LRRC4C: variants seen among roughly 807,000 people sequenced by gnomAD.
The protein encoded by LRRC4C is leucine-rich repeat-containing protein 4C.
A neutral mutation model predicts 33.6 loss-of-function variants in LRRC4C; 5 were observed. The ratio of observed to expected loss-of-function variants is 0.15; its 90% CI spans 0.08 to 0.31. LRRC4C has a LOEUF of 0.31. Ranked by LOEUF, LRRC4C falls within the 10% of genes least tolerant of loss-of-function variation. The probability of loss-of-function intolerance (pLI) is 1.00; values close to 1 mark genes in which losing one functional copy is unlikely to be tolerated. For synonymous variants in LRRC4C, 329 were observed against 302.0 expected (o/e 1.09, Z -0.93); for missense variants, 560 against 796.7 (o/e 0.70, Z 3.58).
rs1274657251 is a variant in LRRC4C, at chr11:41,214,365, C to A, written c.-496+245066G>T. 2.0e-5 allele frequency among the ~76,000 whole-genome samples: 3 copies of A among 151,910 alleles called. No homozygotes were observed. In the East Asian group the frequency reaches 5.8e-4, roughly 29 times the overall value. On this transcript the variant is annotated intron_variant, in intron 1 of 6. Coordinates refer to ENST00000528697, the MANE Select transcript of LRRC4C (RefSeq NM_001258419.2). ...AGATGTGTGTCAATGGCCACAAACA[C>A]CTTGCCTGGTTCTTAAACAATAAAA...
intron 5 of LRRC4C, among the ~76,000 whole-genome samples, chr11:40,194,626 G>T (rs1002922279): frequency 1.3e-5 from 2 of 151,714 alleles, no homozygotes; most frequent in Non-Finnish European, 2.9e-5. Flanking sequence ...GTCGGGGGGT[G>T]GGGGGCAAAG....
intron 3 of LRRC4C, among the ~76,000 whole-genome samples, chr11:40,596,963 A>G (rs1300980977): frequency 1.3e-5 from 2 of 152,242 alleles, no homozygotes; most frequent in Non-Finnish European, 2.9e-5. Context: ...CCGTATTCTT[A>G]ACAAATAGAA....
At chr11:41,298,643 T>C (rs1474427195) in intron 1 of LRRC4C, among the ~76,000 whole-genome samples, 1 of 152,190 alleles carries the variant, frequency 6.6e-6, no homozygotes, top group African/African-American at 2.4e-5. Flanking sequence ...GATTGATCAT[T>C]ATTTTTAACT....
intron 2 of LRRC4C, among the ~76,000 whole-genome samples, chr11:40,855,962 C>G (rs73472648): frequency 0.027 from 4,066 of 151,476 alleles, 109 homozygotes; most frequent in African/African-American, 0.066. Flanking sequence ...TAATTTACTT[C>G]ATATATTTTT....
intron 3 of LRRC4C, among the ~76,000 whole-genome samples, chr11:40,329,737 CTTTT>C (rs199598860): frequency 9.1e-5 from 11 of 120,380 alleles, no homozygotes; most frequent in Middle Eastern, 4.4e-3. Context: ...CTTTCTTTTT[CTTTT>C]TTTTTTTTTT....
chr11:40,507,192 A>C (rs982662414), intron 3 of LRRC4C, among the ~76,000 whole-genome samples: 1 of 152,144 alleles, frequency 6.6e-6, no homozygotes, highest in Non-Finnish European at 1.5e-5. Flanking sequence ...TCTTACTAGC[A>C]AAAATTACAT....
chr11:40,772,581 CA>C lies in LRRC4C; in HGVS notation c.-406-124304del, dbSNP rs574547987. ...TTCTGTAAAGAAGATATATGAATGA[CA>C]AACTGGTATAAGGAAAGATGCTCAA... On this transcript the variant is annotated intron_variant, in intron 2 of 6. Transcript: ENST00000528697. 8.5e-5 allele frequency among the ~76,000 whole-genome samples: 13 copies of C among 152,290 alleles called. No homozygotes were observed. The East Asian group carries it at 2.5e-3, about 29-fold the overall frequency.
intron 1 of LRRC4C, among the ~76,000 whole-genome samples, chr11:41,012,699 C>A (rs898174953): frequency 2.0e-5 from 3 of 152,154 alleles, no homozygotes; most frequent in African/African-American, 7.2e-5. Context: ...TACATTTTCA[C>A]CATAGTGTAT....
At chr11:41,307,696 G>A (rs1950542807) in intron 1 of LRRC4C, among the ~76,000 whole-genome samples, 2 of 152,252 alleles carry the variant, frequency 1.3e-5, no homozygotes, top group Non-Finnish European at 2.9e-5. Flanking sequence ...CAAAAAGCCT[G>A]GGCTTTTCCC....
intron 2 of LRRC4C, among the ~76,000 whole-genome samples, chr11:40,746,085 A>C (rs1305171716): frequency 6.6e-6 from 1 of 152,174 alleles, no homozygotes; most frequent in African/African-American, 2.4e-5. Context: ...GAAGCAAGGC[A>C]ACCTGATCAG....
intron 1 of LRRC4C, among the ~76,000 whole-genome samples, chr11:41,091,169 ATTACT>A (rs1288945667): frequency 2.0e-5 from 3 of 151,880 alleles, no homozygotes; most frequent in African/African-American, 7.2e-5. Flanking sequence ...ATAATAATAC[ATTACT>A]TTATAGTATT....
chr11:40,696,780 G>GTA (rs1486280334), intron 2 of LRRC4C, among the ~76,000 whole-genome samples: 46 of 114,252 alleles, frequency 4.0e-4, no homozygotes, highest in South Asian at 2.5e-3. Flanking sequence ...ATATATCTGA[G>GTA]TATATATATA....
At position 40,606,595 on chromosome 11, in the gene LRRC4C, A is replaced by G. The variant is rs138236946; in HGVS notation, c.-270+41547T>C. Among the ~76,000 whole-genome samples the G allele has an allele frequency of 4.5e-3, 678 of 152,300 alleles. 3 individuals are homozygous for G. The highest frequency in any genetic ancestry group is 0.015 in the African/African-American group (614 of 41,566). Reference sequence around the variant, plus strand: ...AAAAAAGAGGTATGTAAAGTACATGACAATTCAAAATAACCATCATAAGGA... The same window carrying G: ...AAAAAAGAGGTATGTAAAGTACATGGCAATTCAAAATAACCATCATAAGGA... On this transcript the variant is annotated intron_variant, in intron 3 of 6. Coordinates refer to ENST00000528697, the MANE Select transcript of LRRC4C (RefSeq NM_001258419.2).
intron 2 of LRRC4C, among the ~76,000 whole-genome samples, chr11:40,882,032 A>G (rs1955203993): frequency 6.6e-6 from 1 of 152,038 alleles, no homozygotes. Flanking sequence ...TCATCTTTGC[A>G]GACTATGATT....
chr11:41,184,441 A>T (rs535074033), intron 1 of LRRC4C, among the ~76,000 whole-genome samples: 16 of 152,160 alleles, frequency 1.1e-4, no homozygotes, highest in African/African-American at 3.9e-4. Flanking sequence ...AGTTCCACAA[A>T]TCTCTAGGGC....
chr11:41,036,749 T>C (rs544476217), intron 1 of LRRC4C, among the ~76,000 whole-genome samples: 4 of 152,180 alleles, frequency 2.6e-5, no homozygotes, highest in Non-Finnish European at 4.4e-5. Context: ...CTAAATGATG[T>C]CACAGTAGTT....
intron 3 of LRRC4C, among the ~76,000 whole-genome samples, chr11:40,581,655 G>A (rs980721296): frequency 1.3e-5 from 2 of 152,302 alleles, no homozygotes; most frequent in South Asian, 4.1e-4. Flanking sequence ...TGTAATCCCA[G>A]CACTTTGGTA....
At chr11:41,156,979 G>A (rs2135999318) in intron 1 of LRRC4C, among the ~76,000 whole-genome samples, 1 of 152,142 alleles carries the variant, frequency 6.6e-6, no homozygotes, top group African/African-American at 2.4e-5. Context: ...CTATAAAAGG[G>A]ATTGGAGAAG....
chr11:40,278,781 G>C, intron 4 of LRRC4C, among the ~76,000 whole-genome samples: 1 of 81,742 alleles, frequency 1.2e-5, no homozygotes, highest in Middle Eastern at 4.9e-3. Flanking sequence ...ACCACCAGAC[G>C]TATGATAGAT....
Sources: gnomAD v4.1 joint callset for allele counts (sites outside exome capture counted in the v4.1 genomes callset) on GRCh38, gnomAD v4.1.1 for gene constraint, MANE v1.5 for transcripts, NCBI Gene and HGNC (gene_info 2026-07-23, HGNC 2026-07-21) for gene names.